LPIN1: variants seen among roughly 807,000 people sequenced by gnomAD.
The protein encoded by LPIN1 is lipin 1.
A neutral mutation model predicts 107.5 loss-of-function variants in LPIN1; 71 were observed. The observed-to-expected ratio is 0.66, with a 90% confidence interval of 0.55 to 0.80. The LOEUF is 0.80. Ranked by LOEUF, LPIN1 falls within the 30% of genes least tolerant of loss-of-function variation. The pLI is 0.00. For synonymous variants in LPIN1, 445 were observed against 452.6 expected (o/e 0.98, Z 0.21); for missense variants, 1,043 against 1,160.6 (o/e 0.90, Z 1.47).
At chr2:11,728,666 G>A (rs1036975023) in intron 1 of LPIN1, among the ~76,000 whole-genome samples, 2 of 152,164 alleles carry the variant, frequency 1.3e-5, no homozygotes, top group Non-Finnish European at 2.9e-5. Context: ...ATGAGCCATT[G>A]CACCTGGCCT....
In LPIN1 at chr2:11,765,359, G is replaced by GCCCTGATGGA. The variant is rs1349009584; in HGVS notation, c.-9-164_-9-155dup. ...GATGGGCCGTGATGGGCCCTGATGGGCCCTGATGGACCCTGATGGGCTATG... is the reference window on the plus strand; with the variant it reads ...GATGGGCCGTGATGGGCCCTGATGGGCCCTGATGGACCCTGATGGACCCTGATGGGCTATG... On this transcript the variant is annotated intron_variant, in intron 1 of 20. Coordinates refer to ENST00000674199, the MANE Select transcript of LPIN1 (RefSeq NM_001349206.2). The surrounding 1 kb of genome is among the most constrained non-coding windows in gnomAD (Gnocchi z 4.4). Among the ~76,000 whole-genome samples the GCCCTGATGGA allele has an allele frequency of 2.6e-5, 4 of 152,158 alleles. No homozygotes were observed. Among genetic ancestry groups the GCCCTGATGGA allele is most frequent in the Non-Finnish European group, 4.4e-5 (3 of 68,002 alleles).
chr2:11,741,491 A>G, intron 2 of LPIN1: 1 of 1,287,410 alleles, frequency 7.8e-7, no homozygotes, highest in South Asian at 1.3e-5. Flanking sequence ...GATAAATAAT[A>G]TTGTTTGGCA....
At chr2:11,711,134 A>G (rs1374056398) in intron 1 of LPIN1, among the ~76,000 whole-genome samples, 1 of 152,206 alleles carries the variant, frequency 6.6e-6, no homozygotes, top group African/African-American at 2.4e-5. Flanking sequence ...TGAGTGCAAA[A>G]TCAATCCAAC....
At chr2:11,801,092 A>C (rs914706774) in intron 14 of LPIN1, among the ~76,000 whole-genome samples, 2 of 152,260 alleles carry the variant, frequency 1.3e-5, no homozygotes, top group Non-Finnish European at 1.5e-5. Context: ...ATTATCAAAA[A>C]GACAAAAAAT....
In LPIN1 at chr2:11,787,139, C is replaced by G; in HGVS notation, c.1615C>G (p.Pro539Ala). Residue 539 changes from proline to alanine, a missense_variant, in exon 11 of 21, where the codon CCC becomes GCC. By Grantham distance (27) the Pro-to-Ala change is conservative (BLOSUM62 -1). Transcript: ENST00000674199. ...GGACAACCCCGCTATTATCGATGAC[C>G]CCAATCTCGTGGTAAAGATTGGGAG... ...FVDNPAIIDD[P>A]NLVVKIGSKY... 6.2e-7 allele frequency: 1 copy of G among 1,613,960 alleles called. No individual in the cohort carries two copies. Among genetic ancestry groups the G allele is most frequent in the East Asian group, 2.2e-5 (1 of 44,882 alleles).
At chr2:11,717,649 T>A (rs1052806069) in intron 2 of LPIN1, among the ~76,000 whole-genome samples, 3 of 152,240 alleles carry the variant, frequency 2.0e-5, no homozygotes, top group South Asian at 2.1e-4. Flanking sequence ...TTAGAATTTT[T>A]AAAAAAAATT....
intron 17 of LPIN1, among the ~76,000 whole-genome samples, chr2:11,810,835 TC>T (rs1679523883): frequency 6.6e-6 from 1 of 152,204 alleles, no homozygotes; most frequent in Non-Finnish European, 1.5e-5. Context: ...TGCAAAATGC[TC>T]CCGAAGGTAA....
rs1679635782 is a variant in LPIN1, at chr2:11,811,467, C to T, written c.2250-3621C>T. 2.0e-5 allele frequency among the ~76,000 whole-genome samples: 3 copies of T among 152,198 alleles called. No individual in the cohort carries two copies. The South Asian group carries it at 6.2e-4, about 31-fold the overall frequency. ...ATTAGGTCACTCTCGAGCTGGCTTT[C>T]CAGCTAAGTTTAGTCAGGCAAGAAG... On this transcript the variant is annotated intron_variant, in intron 17 of 20. Coordinates refer to ENST00000674199, the MANE Select transcript of LPIN1 (RefSeq NM_001349206.2).
chr2:11,712,435 G>C (rs980087617), intron 1 of LPIN1, among the ~76,000 whole-genome samples: 4 of 152,158 alleles, frequency 2.6e-5, no homozygotes, highest in Non-Finnish European at 5.9e-5. Flanking sequence ...GGTAGCCCTG[G>C]CCACAGAGAT....
chr2:11,824,730 CCT>C lies in LPIN1; in HGVS notation c.2721_2722del (p.Phe908LeufsTer9), dbSNP rs1459823434. 6.2e-7 allele frequency: 1 copy of C among 1,614,180 alleles called. No individual in the cohort carries two copies. The highest frequency in any genetic ancestry group is 1.7e-5 in the Admixed American group (1 of 60,028). On this transcript the variant is annotated frameshift_variant, in exon 21 of 21. Transcript: ENST00000674199. LOFTEE classifies it high-confidence loss of function. ...TGTTCGGATACCTTCAGTAACTTCA[CCT>C]TTTGGAGAGAGCCACTGCCACCTTT...
At chr2:11,694,375 A>G (rs924625870) in intron 1 of LPIN1, among the ~76,000 whole-genome samples, 4 of 152,182 alleles carry the variant, frequency 2.6e-5, no homozygotes, top group African/African-American at 9.6e-5. Context: ...TCTAGTCTCC[A>G]TGATGTCCTT....
intron 4 of LPIN1, among the ~76,000 whole-genome samples, chr2:11,772,403 C>G (rs115031255): frequency 0.011 from 1,662 of 152,284 alleles, 15 homozygotes; most frequent in Non-Finnish European, 0.015. Context: ...CTTGGCTGAT[C>G]GCTTTAGCAG....
chr2:11,749,263 G>GGTCTGGA (rs1393017533), intron 1 of LPIN1, among the ~76,000 whole-genome samples: 1 of 152,128 alleles, frequency 6.6e-6, no homozygotes, highest in Non-Finnish European at 1.5e-5. Flanking sequence ...TGTGAGGGAG[G>GGTCTGGA]GTCTGGAGAG....
At chr2:11,682,028 T>C (rs1661741411) in intron 1 of LPIN1, among the ~76,000 whole-genome samples, 2 of 152,182 alleles carry the variant, frequency 1.3e-5, no homozygotes, top group Admixed American at 1.3e-4. Flanking sequence ...GGGAGGGCTC[T>C]CGGGAGGCTG....
At chr2:11,710,180 C>T (rs1055400878) in intron 1 of LPIN1, among the ~76,000 whole-genome samples, 80 of 152,128 alleles carry the variant, frequency 5.3e-4, no homozygotes, top group African/African-American at 1.9e-3. Context: ...ATCTTCATCA[C>T]CTAATCAGCC....
At position 11,774,021 on chromosome 2, in the gene LPIN1, G is replaced by GTT. The variant is rs1368970616; in HGVS notation, c.722+277_722+278dup. ...ACATGTAAATTACATCATGCTAATT[G>GTT]TTAATAGGAGAAAACACAGTGGCAG... On this transcript the variant is annotated intron_variant, in intron 5 of 20. Coordinates refer to ENST00000674199, the MANE Select transcript of LPIN1 (RefSeq NM_001349206.2). The surrounding 1 kb of genome is among the most constrained non-coding windows in gnomAD (Gnocchi z 4.4). Among the ~76,000 whole-genome samples, 3 of 152,202 alleles carry GTT rather than the reference G, an allele frequency of 2.0e-5. No individual in the cohort carries two copies. The highest frequency in any genetic ancestry group is 7.2e-5 in the African/African-American group (3 of 41,452).
rs775141311 is a variant in LPIN1 at position 11,773,750 on chromosome 2, G to C, written c.722+5G>C. On this transcript the variant is annotated splice_donor_5th_base_variant and intron_variant, in intron 5 of 20. Transcript: ENST00000674199. ...AGAGTGGTCACCCACTCCCAGGTAA[G>C]CTGTTCCCTGTTCCCCTGGCCCAGT... 3 of 1,614,102 alleles carry C rather than the reference G, an allele frequency of 1.9e-6. No individual in the cohort carries two copies. The South Asian group carries it at 3.3e-5, about 18-fold the overall frequency.
chr2:11,728,706 T>G (rs1328314600), intron 1 of LPIN1, among the ~76,000 whole-genome samples: 8 of 151,786 alleles, frequency 5.3e-5, no homozygotes, highest in Non-Finnish European at 1.0e-4. Context: ...TATCTGTTCT[T>G]TGTTTTTTTT....
intron 12 of LPIN1, among the ~76,000 whole-genome samples, chr2:11,791,256 G>A (rs1675673357): frequency 6.6e-6 from 1 of 152,078 alleles, no homozygotes; most frequent in African/African-American, 2.4e-5. Flanking sequence ...ACTGAGGAAG[G>A]GACATTACCT....
Sources: gnomAD v4.1 joint callset for allele counts (sites outside exome capture counted in the v4.1 genomes callset) on GRCh38, gnomAD v4.1.1 for gene constraint, Gnocchi (gnomAD v3.1) non-coding constraint, MANE v1.5 for transcripts, NCBI Gene and HGNC (gene_info 2026-07-23, HGNC 2026-07-21) for gene names.